Variants in MGAT4D observed in about 807,000 individuals in gnomAD.
MGAT4D encodes the protein alpha-1,3-mannosyl-glycoprotein 4-beta-N-acetylglucosaminyltransferase-like protein MGAT4D.
In MGAT4D, 34 loss-of-function variants were observed where a neutral mutation model predicts 15.9. The ratio of observed to expected loss-of-function variants is 2.14; its 90% CI spans 1.62 to 2.84. The LOEUF is 2.84. Ranked by LOEUF, MGAT4D falls within the 30% of genes most tolerant of loss-of-function variation. The probability of loss-of-function intolerance (pLI) is 0.00; values close to 1 mark genes in which losing one functional copy is unlikely to be tolerated. For synonymous variants in MGAT4D, 112 were observed against 48.2 expected, an observed-to-expected ratio of 2.33 and a Z score of -5.49; for missense variants, 327 against 140.2, an observed-to-expected ratio of 2.33 and a Z score of -6.73.
chr4:140,492,554 G>A (rs1396060523), intron 1 of MGAT4D, among the ~76,000 whole-genome samples: 1 of 151,944 alleles, frequency 6.6e-6, no homozygotes, highest in Non-Finnish European at 1.5e-5. Flanking sequence ...CTTGGACCTG[G>A]GAGGTGGAGA....
chr4:140,445,566 C>T (rs1338817591), intron 10 of MGAT4D, among the ~76,000 whole-genome samples: 1 of 152,158 alleles, frequency 6.6e-6, no homozygotes, highest in Non-Finnish European at 1.5e-5. Context: ...GTTTTTATTG[C>T]AATTCCTTTT....
At position 140,478,788 on chromosome 4, in the gene MGAT4D, G is replaced by T. The variant is rs536983208; in HGVS notation, c.391+702C>A. Among the ~76,000 whole-genome samples the T allele has an allele frequency of 3.3e-5, 5 of 151,510 alleles. No homozygotes were observed. The South Asian group carries it at 1.0e-3, about 32-fold the overall frequency. On this transcript the variant is annotated intron_variant, in intron 3 of 10. Transcript: ENST00000511113. The stretch of plus-strand genomic sequence containing the variant: ...CTTTTTTTTTTTTTTTAAATAAAGG[G>T]GCAGATAGTAAGCATTTTTGGCTAT...
At chr4:140,450,691 A>T (rs1462826474) in intron 10 of MGAT4D, among the ~76,000 whole-genome samples, 1 of 152,208 alleles carries the variant, frequency 6.6e-6, no homozygotes, top group Non-Finnish European at 1.5e-5. Flanking sequence ...TAAAGCAAGC[A>T]TTTCTTTCAC....
At chr4:140,498,050 GAC>G (rs1447920307) in intron 1 of MGAT4D, 77 bp downstream of exon 1, 6 of 638,596 alleles carry the variant, frequency 9.4e-6, no homozygotes, top group Non-Finnish European at 1.7e-5. Context: ...CGCACCCGCC[GAC>G]CCTGCCCCGC....
intron 1 of MGAT4D, among the ~76,000 whole-genome samples, chr4:140,486,054 T>C (rs950524497): frequency 1.3e-5 from 2 of 152,010 alleles, no homozygotes; most frequent in Non-Finnish European, 2.9e-5. Context: ...TGATCAGTCC[T>C]GAGTTCCTCC....
At position 140,446,541 on chromosome 4, in the gene MGAT4D, T is replaced by C. The variant is rs140701828; in HGVS notation, c.1117-3097A>G. Among the ~76,000 whole-genome samples, 626 of 152,148 alleles carry C rather than the reference T, an allele frequency of 4.1e-3. 8 individuals are homozygous for C. The highest frequency in any genetic ancestry group is 0.014 in the African/African-American group (600 of 41,550). ...CTCCTTTGTCATTTCTAATTGTGTT[T>C]ATTTGAATCTTTTCTCTTTTCTTCA... On this transcript the variant is annotated intron_variant, in intron 10 of 10. Coordinates refer to ENST00000511113, the MANE Select transcript of MGAT4D (RefSeq NM_001277353.2).
chr4:140,490,776 G>C (rs950528536), intron 1 of MGAT4D, among the ~76,000 whole-genome samples: 7 of 152,150 alleles, frequency 4.6e-5, no homozygotes, highest in African/African-American at 1.7e-4. Flanking sequence ...TTTGGTTTGG[G>C]TTTGTGGGTA....
In MGAT4D at chr4:140,443,457, C is replaced by A. The variant is rs1240259754; in HGVS notation, c.1117-13G>T. 1 of 536,904 alleles carries A rather than the reference C, an allele frequency of 1.9e-6. No homozygotes were observed. Among genetic ancestry groups the A allele is most frequent in the African/African-American group, 1.9e-5 (1 of 51,356 alleles). The allele number at this position is 536,904 out of a possible 1,614,324, so 33.3% of individuals were successfully genotyped here. ...ATCTTCATATTTTCTGAAATGAAAA[C>A]AAAAAATGTAACATCTAGAAATAAT... On this transcript the variant is annotated splice_polypyrimidine_tract_variant and intron_variant, in intron 10 of 10. Transcript: ENST00000511113.
At chr4:140,463,609 C>T (rs1422362718) in intron 6 of MGAT4D, among the ~76,000 whole-genome samples, 1 of 152,066 alleles carries the variant, frequency 6.6e-6, no homozygotes, top group African/African-American at 2.4e-5. Context: ...CAAGGTCATT[C>T]TTGCCCTTCT....
intron 1 of MGAT4D, among the ~76,000 whole-genome samples, chr4:140,489,225 T>C (rs1484648485): frequency 2.0e-5 from 3 of 152,102 alleles, no homozygotes; most frequent in Non-Finnish European, 4.4e-5. Flanking sequence ...CTAAGGTAAT[T>C]ACTAGAAGAT....
intron 10 of MGAT4D, among the ~76,000 whole-genome samples, chr4:140,449,526 G>A (rs1292019942): frequency 6.6e-6 from 1 of 152,204 alleles, no homozygotes; most frequent in Non-Finnish European, 1.5e-5. Flanking sequence ...TTGGGAGGCT[G>A]AGACAGGCAG....
chr4:140,464,436 G>T (rs1731393994), intron 6 of MGAT4D, among the ~76,000 whole-genome samples: 1 of 152,158 alleles, frequency 6.6e-6, no homozygotes, highest in African/African-American at 2.4e-5. Flanking sequence ...ACACTAGAAA[G>T]TTAGGAAAGC....
rs952991609 is a variant in MGAT4D, at chr4:140,442,620, A to G, written c.*816T>C. 2.0e-5 allele frequency: 3 copies of G among 152,054 alleles called. No individual in the cohort carries two copies. Among genetic ancestry groups the G allele is most frequent in the African/African-American group, 7.2e-5 (3 of 41,438 alleles). 9.4% of individuals were successfully genotyped at this position (152,054 alleles called of 1,614,324 possible). On this transcript the variant is annotated 3_prime_UTR_variant, in exon 11 of 11. Coordinates refer to ENST00000511113, the MANE Select transcript of MGAT4D (RefSeq NM_001277353.2). ...TTAAGAGATATTTTTAAAGCACAAA[A>G]CCAACACTTTTAAAAACAAATGAAT...
chr4:140,488,640 C>T (rs1733300208), intron 1 of MGAT4D, among the ~76,000 whole-genome samples: 1 of 152,124 alleles, frequency 6.6e-6, no homozygotes, highest in Admixed American at 6.6e-5. Flanking sequence ...AAGGGCATTC[C>T]AGCCTCAGAA....
chr4:140,444,453 T>C (rs1438334509), intron 10 of MGAT4D, among the ~76,000 whole-genome samples: 1 of 152,206 alleles, frequency 6.6e-6, no homozygotes, highest in African/African-American at 2.4e-5. Flanking sequence ...CTGCTACTTA[T>C]AGGTGAGAAC....
chr4:140,473,238 A>G (rs1732090350), intron 4 of MGAT4D, among the ~76,000 whole-genome samples: 2 of 151,984 alleles, frequency 1.3e-5, no homozygotes, highest in African/African-American at 4.8e-5. Flanking sequence ...TCACTTAACA[A>G]TAGGACATGA....
intron 10 of MGAT4D, among the ~76,000 whole-genome samples, chr4:140,445,174 C>A (rs561084936): frequency 6.6e-6 from 1 of 152,236 alleles, no homozygotes; most frequent in Non-Finnish European, 1.5e-5. Context: ...CATGAGCCAC[C>A]ATGCCCAGCC....
intron 5 of MGAT4D, among the ~76,000 whole-genome samples, chr4:140,467,499 AC>A (rs1731619290): frequency 6.6e-6 from 1 of 152,166 alleles, no homozygotes; most frequent in African/African-American, 2.4e-5. Context: ...AAGTTACGTT[AC>A]AATTTCTACT....
rs571873524 is a variant in MGAT4D, at chr4:140,445,112, T to C, written c.1117-1668A>G. On this transcript the variant is annotated intron_variant, in intron 10 of 10. Coordinates refer to ENST00000511113, the MANE Select transcript of MGAT4D (RefSeq NM_001277353.2). ...GTTGGCCAGGCTGGTCTCGAACTCC[T>C]GACCTCAGGTGATCCACCCACCTCA... 3.3e-5 allele frequency among the ~76,000 whole-genome samples: 5 copies of C among 152,256 alleles called. No individual in the cohort carries two copies. In the South Asian group the frequency reaches 1.0e-3, roughly 32 times the overall value.
Sources: allele counts gnomAD v4.1 joint callset (sites outside exome capture counted in the v4.1 genomes callset), GRCh38; gene constraint gnomAD v4.1.1; transcripts MANE v1.5; gene names NCBI Gene and HGNC (gene_info 2026-07-23, HGNC 2026-07-21).